CDH4: variants seen among roughly 807,000 people sequenced by gnomAD.
CDH4 encodes cadherin-4.
A neutral mutation model predicts 86.0 loss-of-function variants in CDH4; 33 were observed. The ratio of observed to expected loss-of-function variants is 0.38; its 90% CI spans 0.29 to 0.51. The LOEUF is 0.51. CDH4 is among the 20% of genes least tolerant of loss of function. The pLI, the probability that CDH4 is intolerant of heterozygous loss-of-function variation, is 0.86. For missense variants in CDH4, 1,114 were observed against 1,307.4 expected (o/e 0.85, Z 2.28); for synonymous variants, 555 against 549.4 (o/e 1.01, Z -0.14).
rs143811230 is a variant in CDH4, at chr20:61,935,387, G to A, written c.2544+1167G>A. ...GCAGAAGCTGCTCTGACAACATGAC[G>A]CTTACCGTCTATGACATAATAAAAA... On this transcript the variant is annotated intron_variant, in intron 15 of 15. Coordinates refer to ENST00000614565, the MANE Select transcript of CDH4 (RefSeq NM_001794.5). 3.3e-3 allele frequency among the ~76,000 whole-genome samples: 503 copies of A among 152,310 alleles called. 2 individuals carry two copies. The highest frequency in any genetic ancestry group is 0.011 in the African/African-American group (451 of 41,572).
chr20:61,838,323 AG>A (rs1314133257), intron 4 of CDH4, among the ~76,000 whole-genome samples: 1 of 151,890 alleles, frequency 6.6e-6, no homozygotes, highest in Non-Finnish European at 1.5e-5. Context: ...GGAGGTGGGG[AG>A]GTAGGGAGCC....
intron 4 of CDH4, among the ~76,000 whole-genome samples, chr20:61,843,557 G>T (rs1982281014): frequency 6.6e-6 from 1 of 151,706 alleles, no homozygotes; most frequent in Admixed American, 6.6e-5. Flanking sequence ...AGCCAGGCGT[G>T]GTTGCCAGCA....
At position 61,252,404 on chromosome 20, in the gene CDH4, C is replaced by T. The variant is rs1202482666; in HGVS notation, c.-110C>T. 678 of 326,212 alleles carry T rather than the reference C, an allele frequency of 2.1e-3. 6 individuals carry two copies. The highest frequency in any genetic ancestry group is 0.014 in the African/African-American group (593 of 42,346). The allele number at this position is 326,212 out of a possible 1,614,324, so 20.2% of individuals were successfully genotyped here. On this transcript the variant is annotated 5_prime_UTR_variant, in exon 1 of 16. Transcript: ENST00000614565. This position sits in a 1 kb window ranked among gnomAD's most constrained non-coding sequence, Gnocchi z 4.4. ...GAGGCTCCGGGCAGGCGCGGGGGAG[C>T]GGCGGCGGCGGCGGCGATCGGAGCG...
At chr20:61,923,998 C>T (rs762168912) in intron 10 of CDH4, among the ~76,000 whole-genome samples, 29 of 152,252 alleles carry the variant, frequency 1.9e-4, no homozygotes, top group Non-Finnish European at 3.8e-4. Context: ...GACTCAGCAA[C>T]CTCCTGCCCT....
intron 2 of CDH4, among the ~76,000 whole-genome samples, chr20:61,552,039 C>T (rs2086134765): frequency 6.6e-6 from 1 of 152,174 alleles, no homozygotes; most frequent in Non-Finnish European, 1.5e-5. Context: ...AAGAAGAAAA[C>T]ATAGGTGTAA....
chr20:61,630,526 C>T (rs2086876401), intron 2 of CDH4, among the ~76,000 whole-genome samples: 1 of 152,236 alleles, frequency 6.6e-6, no homozygotes. Context: ...GCCACACCTG[C>T]AGGCCCCTGG....
At chr20:61,820,651 G>A (rs980384021) in intron 4 of CDH4, among the ~76,000 whole-genome samples, 1 of 152,146 alleles carries the variant, frequency 6.6e-6, no homozygotes, top group East Asian at 1.9e-4. Context: ...CAGCATCGCC[G>A]CCCCCCATCC....
intron 2 of CDH4, among the ~76,000 whole-genome samples, chr20:61,475,733 G>A (rs1253676661): frequency 2.1e-5 from 3 of 143,898 alleles, no homozygotes; most frequent in Non-Finnish European, 3.0e-5. Flanking sequence ...TAGGATCTGA[G>A]CTTCATGGCT....
chr20:61,476,904 G>A (rs1261589183), intron 2 of CDH4, among the ~76,000 whole-genome samples: 1 of 152,178 alleles, frequency 6.6e-6, no homozygotes, highest in Non-Finnish European at 1.5e-5. Context: ...ATCACACCTG[G>A]TACTGTTATA....
intron 2 of CDH4, among the ~76,000 whole-genome samples, chr20:61,265,581 A>G (rs575993848): frequency 6.6e-6 from 1 of 152,342 alleles, no homozygotes; most frequent in South Asian, 2.1e-4. Context: ...CACGGACCTC[A>G]GTGGCTCCTT....
At chr20:61,835,127 G>C (rs1015615540) in intron 4 of CDH4, among the ~76,000 whole-genome samples, 1 of 152,218 alleles carries the variant, frequency 6.6e-6, no homozygotes, top group African/African-American at 2.4e-5. Flanking sequence ...TGCTGCCCAG[G>C]CTGGTCTTGA....
intron 2 of CDH4, among the ~76,000 whole-genome samples, chr20:61,492,535 A>T (rs1402112452): frequency 1.3e-5 from 2 of 152,134 alleles, no homozygotes; most frequent in Non-Finnish European, 2.9e-5. Context: ...GATGTTCCTG[A>T]TGCTGATGAT....
chr20:61,631,391 C>G (rs953672911), intron 2 of CDH4, among the ~76,000 whole-genome samples: 2 of 152,134 alleles, frequency 1.3e-5, no homozygotes, highest in African/African-American at 4.8e-5. Context: ...ATCTGTAATC[C>G]CACTTTGGGA....
intron 2 of CDH4, among the ~76,000 whole-genome samples, chr20:61,365,620 G>A (rs750143789): frequency 1.3e-5 from 2 of 152,114 alleles, no homozygotes; most frequent in African/African-American, 2.4e-5. Flanking sequence ...TGCAGCTGGC[G>A]AGGGAAGCTG....
intron 2 of CDH4, among the ~76,000 whole-genome samples, chr20:61,399,124 T>TAAAAAGA (rs1398470251): frequency 7.0e-5 from 6 of 86,302 alleles, no homozygotes; most frequent in African/African-American, 1.7e-4. Context: ...ACCCACTTTT[T>TAAAAAGA]TTTTTTTTTT....
intron 5 of CDH4, among the ~76,000 whole-genome samples, chr20:61,847,077 T>C (rs1427873412): frequency 6.6e-6 from 1 of 152,224 alleles, no homozygotes; most frequent in Non-Finnish European, 1.5e-5. Flanking sequence ...TTTCATCTTA[T>C]AATTCCTCCT....
chr20:61,308,090 G>T (rs912035713), intron 2 of CDH4, among the ~76,000 whole-genome samples: 2 of 152,200 alleles, frequency 1.3e-5, no homozygotes, highest in African/African-American at 4.8e-5. Flanking sequence ...TACAAGGAAC[G>T]TGTGAAACTG....
At chr20:61,792,862 G>A (rs1031502677) in intron 4 of CDH4, among the ~76,000 whole-genome samples, 3 of 152,114 alleles carry the variant, frequency 2.0e-5, no homozygotes, top group Non-Finnish European at 4.4e-5. Context: ...TATTGGTCAG[G>A]CTAATCTTGA....
intron 2 of CDH4, among the ~76,000 whole-genome samples, chr20:61,403,163 A>T (rs769584225): frequency 1.3e-5 from 2 of 152,196 alleles, no homozygotes; most frequent in African/African-American, 4.8e-5. Flanking sequence ...ACCTTGGACC[A>T]TGAGGGGATC....
Sources: gnomAD v4.1 joint callset for allele counts (sites outside exome capture counted in the v4.1 genomes callset) on GRCh38, gnomAD v4.1.1 for gene constraint, Gnocchi (gnomAD v3.1) non-coding constraint, MANE v1.5 for transcripts, NCBI Gene and HGNC (gene_info 2026-07-23, HGNC 2026-07-21) for gene names.